ITPRID1: variants seen among roughly 807,000 people sequenced by gnomAD.
ITPRID1 encodes the protein protein ITPRID1.
Under a neutral mutation model 95.4 loss-of-function variants are expected in ITPRID1, and 96 were observed. The observed-to-expected ratio is 1.01, with a 90% CI of 0.85 to 1.19. The LOEUF is 1.19. ITPRID1 is among the 50% of genes most tolerant of loss of function. The pLI is 0.00. For missense variants in ITPRID1, 1,339 were observed against 1,252.9 expected, an observed-to-expected ratio of 1.07 and a Z score of -1.04; for synonymous variants, 510 against 453.6, an observed-to-expected ratio of 1.12 and a Z score of -1.58.
At chr7:31,626,107 A>C (rs1788443527) in intron 10 of ITPRID1, among the ~76,000 whole-genome samples, 1 of 152,216 alleles carries the variant, frequency 6.6e-6, no homozygotes, top group Admixed American at 6.5e-5. Context: ...TAAACTTGGC[A>C]AAAACATGTT....
intron 10 of ITPRID1, among the ~76,000 whole-genome samples, chr7:31,629,397 C>T (rs374468475): frequency 2.9e-4 from 44 of 152,164 alleles, no homozygotes; most frequent in Non-Finnish European, 5.3e-4. Flanking sequence ...TTACTCCATG[C>T]CACGAAGCTC....
In ITPRID1 at chr7:31,554,399, G is replaced by A. The variant is rs564521414; in HGVS notation, c.164-76G>A. 9.1e-4 allele frequency: 1,412 copies of A among 1,544,128 alleles called. 5 individuals are homozygous for A. The highest frequency in any genetic ancestry group is 1.2e-3 in the South Asian group (103 of 82,786). ...ATATGTGGGAAATAGTGACTGAGTG[G>A]CGGCTGAGTAAACAGGGTAGCATCC... is the stretch of plus-strand genomic sequence containing the variant. On this transcript the variant is annotated intron_variant, in intron 3 of 14. Coordinates refer to ENST00000615280, the MANE Select transcript of ITPRID1 (RefSeq NM_001257967.3).
intron 10 of ITPRID1, among the ~76,000 whole-genome samples, chr7:31,638,456 T>TATGTTTTACATACAAACA (rs1789694443): frequency 6.6e-6 from 1 of 152,146 alleles, no homozygotes; most frequent in African/African-American, 2.4e-5. Flanking sequence ...TAATAACAGG[T>TATGTTTTACATACAAACA]GTTTATGTTT....
intron 5 of ITPRID1, among the ~76,000 whole-genome samples, chr7:31,555,913 AG>A (rs1199299070): frequency 2.0e-5 from 3 of 152,210 alleles, no homozygotes; most frequent in Non-Finnish European, 2.9e-5. Flanking sequence ...CTAATATAAA[AG>A]TTCCATGATG....
intron 10 of ITPRID1, among the ~76,000 whole-genome samples, chr7:31,622,428 A>T (rs1458151911): frequency 2.0e-5 from 3 of 151,956 alleles, no homozygotes; most frequent in East Asian, 1.9e-4. Flanking sequence ...CAGTGCAATC[A>T]AACTAGAACT....
Position 31,577,927 on chromosome 7 carries a change from T to A in ITPRID1, c.663T>A (p.Asp221Glu), listed in dbSNP as rs766861413. The stretch of plus-strand genomic sequence containing the variant: ...ATGCCTTCTCATCTCTGCTGAGTGA[T>A]GTCAGCATCCTGCCAAACAGAGCTG... ...VTNAFSSLLS[D>E]VSILPNRAEE... Residue 221 changes from aspartate (D) to glutamate (E), a missense_variant, in exon 9 of 15, where the codon GAT (aspartate) becomes GAA (glutamate). Physicochemically the swap from Asp to Glu is conservative, Grantham distance 45 (BLOSUM62 2). Transcript: ENST00000615280. The A allele has an allele frequency of 1.2e-6, 2 of 1,613,538 alleles. No homozygotes were observed. The highest frequency in any genetic ancestry group is 2.7e-5 in the African/African-American group (2 of 74,928).
At chr7:31,572,079 T>C in intron 6 of ITPRID1, 23 bp from the exon 7 acceptor site, 1 of 1,488,598 alleles carries the variant, frequency 6.7e-7, no homozygotes, top group Non-Finnish European at 9.4e-7. Flanking sequence ...CACATCTCAT[T>C]GTTGATATTT....
chr7:31,579,662 A>G (rs1785323697), intron 9 of ITPRID1, among the ~76,000 whole-genome samples: 1 of 152,240 alleles, frequency 6.6e-6, no homozygotes, highest in Non-Finnish European at 1.5e-5. Flanking sequence ...AAAGAATAGG[A>G]TTGAGCCAGG....
intron 12 of ITPRID1, among the ~76,000 whole-genome samples, chr7:31,649,579 T>C (rs1444965499): frequency 1.3e-5 from 2 of 152,134 alleles, no homozygotes; most frequent in Admixed American, 6.5e-5. Flanking sequence ...AGATTGTGAG[T>C]AGTCAACTAG....
At chr7:31,608,249 G>A (rs1437870105) in intron 10 of ITPRID1, among the ~76,000 whole-genome samples, 1 of 151,888 alleles carries the variant, frequency 6.6e-6, no homozygotes, top group East Asian at 1.9e-4. Flanking sequence ...CTAACACACT[G>A]TCTTCATTAT....
At chr7:31,594,799 A>G (rs1786010985) in intron 10 of ITPRID1, among the ~76,000 whole-genome samples, 2 of 151,986 alleles carry the variant, frequency 1.3e-5, no homozygotes, top group Admixed American at 6.6e-5. Context: ...AGAGGTTGCA[A>G]TGAGTTGAGA....
chr7:31,606,371 G>A lies in ITPRID1; in HGVS notation c.1228+23180G>A, dbSNP rs577556284. Among the ~76,000 whole-genome samples the A allele has an allele frequency of 4.6e-5, 7 of 151,952 alleles. No individual in the cohort carries two copies. In the South Asian group the frequency reaches 6.3e-4, roughly 14 times the overall value. On this transcript the variant is annotated intron_variant, in intron 10 of 14. Transcript: ENST00000615280. ...AATAGGATCAGCAAAGATTTCTCAGGGGCTGTATTTATATCTATGATAAAA... is the reference window on the plus strand; with the variant it reads ...AATAGGATCAGCAAAGATTTCTCAGAGGCTGTATTTATATCTATGATAAAA...
chr7:31,604,757 GT>G (rs975507103), intron 10 of ITPRID1, among the ~76,000 whole-genome samples: 2 of 152,220 alleles, frequency 1.3e-5, no homozygotes, highest in African/African-American at 4.8e-5. Context: ...GTGTTTCTCA[GT>G]TTTTTCAAGG....
At chr7:31,554,544 G>A in intron 4 of ITPRID1, 21 bp downstream of exon 4, 1 of 1,612,334 alleles carries the variant, frequency 6.2e-7, no homozygotes, top group Non-Finnish European at 8.5e-7. Context: ...TTGTGTGTGT[G>A]TGCCTTACAT....
At position 31,642,687 on chromosome 7, in the gene ITPRID1, T is replaced by C; in HGVS notation, c.1317T>C (p.Pro439=). The stretch of plus-strand genomic sequence containing the variant: ...TGTCCTGGTTTCCCCTACAGATGCC[T>C]TCCTTGCCAAACAGCCAGAGTCCTG... ...EPLEPLPLQM[P]SLPNSQSPAE... The change falls in exon 12 of 15, where the codon CCT becomes CCC. Residue 439 remains proline (P), a synonymous_variant. Coordinates refer to ENST00000615280, the MANE Select transcript of ITPRID1 (RefSeq NM_001257967.3). The C allele has an allele frequency of 6.2e-7, 1 of 1,613,282 alleles. No homozygotes were observed. Among genetic ancestry groups the C allele is most frequent in the Non-Finnish European group, 8.5e-7 (1 of 1,179,422 alleles).
chr7:31,656,633 A>G, downstream of ITPRID1: 1 of 316,518 alleles, frequency 3.2e-6, no homozygotes, highest in Non-Finnish European at 4.6e-6. Flanking sequence ...GAAGAGAATG[A>G]ACTGACTATG....
chr7:31,542,972 T>C (rs1163291033), intron 1 of ITPRID1, among the ~76,000 whole-genome samples: 1 of 152,182 alleles, frequency 6.6e-6, no homozygotes, highest in Non-Finnish European at 1.5e-5. Flanking sequence ...ATTAGAGCTT[T>C]TTAAATACAG....
chr7:31,621,012 G>A (rs1186863263), intron 10 of ITPRID1, among the ~76,000 whole-genome samples: 1 of 151,810 alleles, frequency 6.6e-6, no homozygotes, highest in Non-Finnish European at 1.5e-5. Flanking sequence ...TATCAGTGAT[G>A]GAAGATGAAA....
intron 1 of ITPRID1, among the ~76,000 whole-genome samples, chr7:31,519,728 G>A (rs1583452398): frequency 6.7e-6 from 1 of 149,024 alleles, no homozygotes; most frequent in South Asian, 2.1e-4. Flanking sequence ...CTGAATCTCA[G>A]AGTTGGAGTA....
Sources: allele counts gnomAD v4.1 joint callset (sites outside exome capture counted in the v4.1 genomes callset), GRCh38; gene constraint gnomAD v4.1.1; transcripts MANE v1.5; gene names NCBI Gene and HGNC (gene_info 2026-07-23, HGNC 2026-07-21).